The following NCALD variants were observed in gnomAD, a reference collection of about 807,000 sequenced individuals.
NCALD encodes neurocalcin delta.
A neutral mutation model predicts 18.6 loss-of-function variants in NCALD; 10 were observed. The observed-to-expected ratio is 0.54, with a 90% CI of 0.33 to 0.91. The LOEUF (loss-of-function observed/expected upper bound fraction) is 0.91. NCALD is among the 40% of genes least tolerant of loss of function. The pLI, the probability that NCALD is intolerant of heterozygous loss-of-function variation, is 0.03. For missense variants in NCALD, 184 were observed against 247.6 expected (o/e 0.74, Z 1.72); for synonymous variants, 88 against 87.4 (o/e 1.01, Z -0.04).
At chr8:102,032,972 A>G (rs915140755) in intron 1 of NCALD, among the ~76,000 whole-genome samples, 1 of 152,234 alleles carries the variant, frequency 6.6e-6, no homozygotes, top group Admixed American at 6.5e-5. Context: ...TGGACTAGTT[A>G]GTCATGCTAT....
chr8:101,918,847 A>G (rs1818064487), intron 2 of NCALD, among the ~76,000 whole-genome samples: 1 of 152,078 alleles, frequency 6.6e-6, no homozygotes, highest in East Asian at 1.9e-4. Context: ...TTGCCAAAAG[A>G]TATCAGAGGT....
intron 1 of NCALD, among the ~76,000 whole-genome samples, chr8:102,071,575 G>A (rs1458447787): frequency 6.6e-6 from 1 of 152,124 alleles, no homozygotes; most frequent in Non-Finnish European, 1.5e-5. Flanking sequence ...TTATTAGCAG[G>A]TTACATAATT....
At chr8:101,770,264 G>C (rs1204570900) in intron 1 of NCALD, among the ~76,000 whole-genome samples, 1 of 152,118 alleles carries the variant, frequency 6.6e-6, no homozygotes, top group African/African-American at 2.4e-5. Flanking sequence ...AGGAACATTA[G>C]TTGGTTCTCT....
At chr8:101,930,528 T>G (rs73696586) in intron 2 of NCALD, among the ~76,000 whole-genome samples, 1 of 151,758 alleles carries the variant, frequency 6.6e-6, no homozygotes, top group Admixed American at 6.6e-5. Context: ...GCAGCACTTT[T>G]CCCTCCTCCA....
At chr8:101,788,592 C>T (rs1812325722) in intron 1 of NCALD, 1 of 152,128 alleles carries the variant, frequency 6.6e-6, no homozygotes. Flanking sequence ...TAACGTTTTT[C>T]AATGAATGAA....
intron 1 of NCALD, among the ~76,000 whole-genome samples, chr8:102,105,911 C>T (rs553896006): frequency 1.3e-5 from 2 of 152,180 alleles, no homozygotes; most frequent in African/African-American, 4.8e-5. Flanking sequence ...CCAGGATGGG[C>T]GAGAAGATTC....
At chr8:101,910,837 C>T (rs1480123994) in intron 3 of NCALD, among the ~76,000 whole-genome samples, 1 of 152,170 alleles carries the variant, frequency 6.6e-6, no homozygotes, top group African/African-American at 2.4e-5. Flanking sequence ...AGAAAGAGCT[C>T]TGAAGACCAC....
intron 2 of NCALD, among the ~76,000 whole-genome samples, chr8:102,016,486 GA>G (rs1822088697): frequency 6.6e-6 from 1 of 152,188 alleles, no homozygotes; most frequent in Admixed American, 6.5e-5. Context: ...GAGCAAGGAT[GA>G]AGAGTTTGCT....
At chr8:101,725,174 CA>C (rs564216579) in intron 1 of NCALD, among the ~76,000 whole-genome samples, 15 of 152,184 alleles carry the variant, frequency 9.9e-5, no homozygotes, top group Non-Finnish European at 2.1e-4. Context: ...TTTTCCCACC[CA>C]AATGTTACAT....
intron 1 of NCALD, among the ~76,000 whole-genome samples, chr8:102,060,634 G>A (rs1305924899): frequency 1.3e-5 from 2 of 152,078 alleles, no homozygotes; most frequent in Non-Finnish European, 2.9e-5. Flanking sequence ...AAACAGATCA[G>A]CCACAGCATG....
chr8:101,691,895 C>A (rs955522651), intron 3 of NCALD: 4 of 985,392 alleles, frequency 4.1e-6, no homozygotes, highest in Non-Finnish European at 4.8e-6. Flanking sequence ...CTGAACAGAT[C>A]GGGTGAGCTG....
In NCALD at chr8:101,970,913, G is replaced by A. The variant is rs116868966; in HGVS notation, c.-157+49324C>T. Reference sequence around the variant, plus strand: ...CTAATAGGAGGTATTTGGGTCATGGGGACAGGTCTCTTATGAGTATATTAA... The same window carrying A: ...CTAATAGGAGGTATTTGGGTCATGGAGACAGGTCTCTTATGAGTATATTAA... On this transcript the variant is annotated intron_variant, in intron 2 of 6. Transcript: ENST00000311028. Among the ~76,000 whole-genome samples, 119 of 152,226 alleles carry A rather than the reference G, an allele frequency of 7.8e-4. 1 individual carries two copies. In the East Asian group the frequency reaches 0.021, roughly 27 times the overall value.
chr8:101,831,068 A>G (rs1488437925), intron 4 of NCALD, among the ~76,000 whole-genome samples: 1 of 152,188 alleles, frequency 6.6e-6, no homozygotes, highest in Non-Finnish European at 1.5e-5. Context: ...TGTCTGACAT[A>G]AAACAGACAC....
intron 2 of NCALD, among the ~76,000 whole-genome samples, chr8:101,716,319 G>C (rs1277907912): frequency 2.0e-5 from 3 of 152,018 alleles, no homozygotes; most frequent in Non-Finnish European, 2.9e-5. Flanking sequence ...GGGCCTGTTG[G>C]GGGGTGGTGG....
At chr8:101,965,097 T>A (rs780865023) in intron 2 of NCALD, among the ~76,000 whole-genome samples, 17 of 152,074 alleles carry the variant, frequency 1.1e-4, no homozygotes, top group African/African-American at 2.2e-4. Context: ...TAGCAATCAT[T>A]AAAAAGTCAA....
intron 1 of NCALD, among the ~76,000 whole-genome samples, chr8:101,737,463 G>A (rs951887723): frequency 1.3e-5 from 2 of 152,228 alleles, no homozygotes; most frequent in South Asian, 2.1e-4. Context: ...GTTCCCTACT[G>A]ATGACAGATT....
intron 2 of NCALD, among the ~76,000 whole-genome samples, chr8:101,921,663 G>A (rs1001277110): frequency 2.6e-5 from 4 of 152,126 alleles, no homozygotes; most frequent in African/African-American, 4.8e-5. Flanking sequence ...CTTCATGCAA[G>A]CTATTGAACC....
chr8:102,039,077 T>C (rs754593082), intron 1 of NCALD, among the ~76,000 whole-genome samples: 2 of 152,124 alleles, frequency 1.3e-5, no homozygotes, highest in African/African-American at 2.4e-5. Flanking sequence ...AGGAAATGAA[T>C]TCTACCAACA....
intron 3 of NCALD, among the ~76,000 whole-genome samples, chr8:101,889,302 C>A (rs533880873): frequency 3.5e-4 from 53 of 152,276 alleles, no homozygotes; most frequent in African/African-American, 1.2e-3. Context: ...AAAAGTAAAT[C>A]CTATTTGGTT....
Sources: allele counts gnomAD v4.1 joint callset (sites outside exome capture counted in the v4.1 genomes callset), GRCh38; gene constraint gnomAD v4.1.1; transcripts MANE v1.5; gene names NCBI Gene and HGNC (gene_info 2026-07-23, HGNC 2026-07-21).